The following JAZF1 variants were observed in gnomAD, a reference collection of about 807,000 sequenced individuals.
JAZF1 encodes JAZF zinc finger 1.
In JAZF1, 8 loss-of-function variants were observed where a neutral mutation model predicts 26.4. That is an observed-to-expected ratio of 0.30 (90% CI 0.18 to 0.55). The LOEUF (loss-of-function observed/expected upper bound fraction) is 0.55. Ranked by LOEUF, JAZF1 falls within the 20% of genes least tolerant of loss-of-function variation. JAZF1 has a pLI of 0.94. For synonymous variants in JAZF1, 126 were observed against 122.3 expected (o/e 1.03, Z -0.20); for missense variants, 199 against 322.0 (o/e 0.62, Z 2.92).
At chr7:27,977,610 C>T (rs1785499915) in intron 2 of JAZF1, among the ~76,000 whole-genome samples, 1 of 152,138 alleles carries the variant, frequency 6.6e-6, no homozygotes, top group Non-Finnish European at 1.5e-5. Flanking sequence ...CAAAGTCTTA[C>T]CCCGAACATG....
At chr7:28,121,446 T>C (rs1200502948) in intron 1 of JAZF1, among the ~76,000 whole-genome samples, 1 of 152,170 alleles carries the variant, frequency 6.6e-6, no homozygotes, top group African/African-American at 2.4e-5. Context: ...TATAAAGCTG[T>C]GAGATGTAGC....
chr7:27,898,634 CAACTATA>C (rs1156435141), intron 2 of JAZF1, among the ~76,000 whole-genome samples: 1 of 152,088 alleles, frequency 6.6e-6, no homozygotes, highest in East Asian at 1.9e-4. Flanking sequence ...TATAACACAA[CAACTATA>C]AACAACCATA....
chr7:27,896,029 C>A (rs975540068), intron 2 of JAZF1, among the ~76,000 whole-genome samples: 1 of 152,194 alleles, frequency 6.6e-6, no homozygotes, highest in Admixed American at 6.5e-5. Flanking sequence ...CCAGGCCCAC[C>A]TCAGGAAACA....
intron 1 of JAZF1, among the ~76,000 whole-genome samples, chr7:28,008,313 T>A (rs944885859): frequency 1.3e-5 from 2 of 152,170 alleles, no homozygotes; most frequent in African/African-American, 4.8e-5. Context: ...ATCTCCTGGC[T>A]TAAGAGATCC....
At chr7:28,146,788 C>T (rs942759531) in intron 1 of JAZF1, among the ~76,000 whole-genome samples, 10 of 151,020 alleles carry the variant, frequency 6.6e-5, no homozygotes, top group Non-Finnish European at 1.3e-4. Flanking sequence ...TTTCCTTTGT[C>T]TAAAATGCTT....
intron 3 of JAZF1, among the ~76,000 whole-genome samples, chr7:27,861,342 G>A (rs1054019100): frequency 6.6e-6 from 1 of 151,842 alleles, no homozygotes; most frequent in African/African-American, 2.4e-5. Flanking sequence ...TCTCTTAGCT[G>A]TCTTTCTGGG....
intron 1 of JAZF1, among the ~76,000 whole-genome samples, chr7:28,135,309 C>G (rs562858413): frequency 2.0e-5 from 3 of 152,272 alleles, no homozygotes; most frequent in African/African-American, 7.2e-5. Flanking sequence ...TGTGTTGCTA[C>G]CACAAACATT....
intron 1 of JAZF1, among the ~76,000 whole-genome samples, chr7:28,114,591 T>C (rs1396502861): frequency 8.4e-6 from 1 of 118,926 alleles, no homozygotes; most frequent in Non-Finnish European, 1.5e-5. Context: ...CCAACTTCTT[T>C]TTAGGTTTTT....
chr7:27,988,689 TA>T (rs993752400), intron 2 of JAZF1, among the ~76,000 whole-genome samples: 1 of 151,776 alleles, frequency 6.6e-6, no homozygotes, highest in African/African-American at 2.4e-5. Context: ...ATGTCATAGG[TA>T]AAAAAAATAG....
At chr7:27,841,166 G>T in intron 3 of JAZF1, 1 of 305,146 alleles carries the variant, frequency 3.3e-6, no homozygotes. Flanking sequence ...GGCTGCAAAG[G>T]CACAGGGAAG....
intron 2 of JAZF1, among the ~76,000 whole-genome samples, chr7:27,990,929 G>A (rs772846514): frequency 3.9e-5 from 6 of 152,316 alleles, no homozygotes; most frequent in South Asian, 2.1e-4. Flanking sequence ...GGGAGGTATG[G>A]AAATAGATGT....
At chr7:28,050,099 T>A (rs1783586620) in intron 1 of JAZF1, among the ~76,000 whole-genome samples, 1 of 151,978 alleles carries the variant, frequency 6.6e-6, no homozygotes, top group Non-Finnish European at 1.5e-5. Context: ...CAGATAGTCC[T>A]GTCACTCAGG....
At chr7:28,150,134 C>G (rs1783088441) in intron 1 of JAZF1, among the ~76,000 whole-genome samples, 1 of 152,182 alleles carries the variant, frequency 6.6e-6, no homozygotes, top group Non-Finnish European at 1.5e-5. Context: ...ATAAGGAGGA[C>G]AGGATCATCT....
chr7:27,847,032 C>T (rs146267233), intron 3 of JAZF1, among the ~76,000 whole-genome samples: 1,880 of 152,080 alleles, frequency 0.012, 15 homozygotes, highest in Non-Finnish European at 0.015. Context: ...TGCAATGGCA[C>T]GATCTCGGCT....
At chr7:28,091,977 G>A (rs1441463833) in intron 1 of JAZF1, among the ~76,000 whole-genome samples, 2 of 152,002 alleles carry the variant, frequency 1.3e-5, no homozygotes, top group East Asian at 1.9e-4. Context: ...AATTTGCTAC[G>A]ATGGCTTAAT....
At chr7:28,114,534 G>C (rs1784711987) in intron 1 of JAZF1, among the ~76,000 whole-genome samples, 1 of 151,210 alleles carries the variant, frequency 6.6e-6, no homozygotes, top group Non-Finnish European at 1.5e-5. Flanking sequence ...ACAAACAGAA[G>C]CATCATCAAG....
intron 2 of JAZF1, among the ~76,000 whole-genome samples, chr7:27,960,488 T>C (rs1465763927): frequency 6.6e-6 from 1 of 152,224 alleles, no homozygotes; most frequent in African/African-American, 2.4e-5. Context: ...TGACTGGCTC[T>C]AACAATGTCT....
chr7:28,126,824 AG>A (rs1197337062), intron 1 of JAZF1, among the ~76,000 whole-genome samples: 2 of 152,120 alleles, frequency 1.3e-5, no homozygotes, highest in Non-Finnish European at 2.9e-5. Flanking sequence ...AAGGGAGGAG[AG>A]AGGAAGAGAA....
intron 1 of JAZF1, among the ~76,000 whole-genome samples, chr7:28,042,118 G>A (rs1344151954): frequency 6.6e-6 from 1 of 152,230 alleles, no homozygotes; most frequent in Non-Finnish European, 1.5e-5. Flanking sequence ...CACAGGATAG[G>A]TTTTGAAGGA....
Sources: gnomAD v4.1 joint callset for allele counts (sites outside exome capture counted in the v4.1 genomes callset) on GRCh38, gnomAD v4.1.1 for gene constraint, MANE v1.5 for transcripts, NCBI Gene and HGNC (gene_info 2026-07-23, HGNC 2026-07-21) for gene names.